TUG1: variants seen among roughly 807,000 people sequenced by gnomAD.
The protein encoded by TUG1 is taurine upregulated gene 1.
chr22:30,976,614 C>T (rs1284737913), exon 3 of TUG1: 1 of 152,126 alleles, frequency 6.6e-6, no homozygotes, highest in African/African-American at 2.4e-5. Flanking sequence ...GGCATTGTAA[C>T]AGACATAAAG....
intron 2 of TUG1, chr22:30,974,433 TA>T (rs1331371593): frequency 1.3e-5 from 2 of 151,938 alleles, no homozygotes; most frequent in African/African-American, 4.8e-5. Flanking sequence ...CACAGAAGGA[TA>T]TTTTTTTGCA....
chr22:30,974,856 A>T (rs910558262), intron 2 of TUG1: 1 of 152,206 alleles, frequency 6.6e-6, no homozygotes, highest in African/African-American at 2.4e-5. Context: ...TTTTCTTGAG[A>T]TTTATCTCCT....
At chr22:30,969,375 C>G (rs984644992) in exon 1 of TUG1, 5 of 152,556 alleles carry the variant, frequency 3.3e-5, no homozygotes, top group South Asian at 2.1e-4. Context: ...CCCTCCCCCC[C>G]TCCCGGGTCT....
chr22:30,972,316 A>G lies in TUG1; in HGVS notation c.*1961+537A>G, dbSNP rs368531524. On this transcript the variant is annotated intron_variant, in intron 1 of 2. Coordinates refer to ENST00000644773, the Ensembl canonical transcript of TUG1. ...GAGCCCTCAGACATAAGGAGAAACC[A>G]ATATGTTGAATGATGGGGTATTACA... The G allele has an allele frequency of 5.9e-5, 9 of 152,336 alleles. No homozygotes were observed. The East Asian group carries it at 1.2e-3, about 20-fold the overall frequency. The allele number at this position is 152,336 out of a possible 1,614,324, so 9.4% of individuals were successfully genotyped here.
chr22:30,977,275 T>C (rs1041732736), exon 3 of TUG1: 13 of 152,140 alleles, frequency 8.5e-5, no homozygotes, highest in African/African-American at 3.1e-4. Context: ...ATTCAACCAA[T>C]CTGAGGCCTT....
exon 2 of TUG1, chr22:30,973,540 C>G (rs1392826980): frequency 6.6e-6 from 1 of 152,206 alleles, no homozygotes; most frequent in African/African-American, 2.4e-5. Flanking sequence ...AACAGCATCT[C>G]ACAAGGCTGC....
chr22:30,973,545 G>A (rs1411029647), exon 2 of TUG1: 1 of 152,160 alleles, frequency 6.6e-6, no homozygotes, highest in Non-Finnish European at 1.5e-5. Context: ...CATCTCACAA[G>A]GCTGCACCAG....
chr22:30,979,230 A>G (rs2041322611), exon 3 of TUG1: 1 of 152,204 alleles, frequency 6.6e-6, no homozygotes, highest in African/African-American at 2.4e-5. Context: ...TCATTTTAAA[A>G]TGTGTGTGCT....
At chr22:30,977,524 G>A (rs1260154106) in exon 3 of TUG1, 1 of 152,186 alleles carries the variant, frequency 6.6e-6, no homozygotes, top group African/African-American at 2.4e-5. Flanking sequence ...GACTGGCTCT[G>A]TAAGATCAGA....
At chr22:30,977,541 T>C (rs564862307) in exon 3 of TUG1, 87 of 152,310 alleles carry the variant, frequency 5.7e-4, no homozygotes, top group African/African-American at 1.9e-3. Flanking sequence ...CAGAAAACTG[T>C]ATCCAGAATA....
exon 1 of TUG1, chr22:30,970,945 T>G (rs552586318): frequency 6.6e-6 from 1 of 152,252 alleles, no homozygotes; most frequent in Non-Finnish European, 1.5e-5. Flanking sequence ...TCCTTGGCCC[T>G]CCTTGTGTTC....
chr22:30,973,771 G>T (rs2041256135), intron 2 of TUG1, 184 bp downstream of exon 2: 1 of 152,150 alleles, frequency 6.6e-6, no homozygotes, highest in Non-Finnish European at 1.5e-5. Flanking sequence ...AGTGGTAGAG[G>T]CCAGGCTTTC....
At chr22:30,978,622 C>G (rs2041315596) in exon 3 of TUG1, 1 of 152,190 alleles carries the variant, frequency 6.6e-6, no homozygotes, top group Admixed American at 6.5e-5. Context: ...GGAGGAGAAG[C>G]TCTCTTTACT....
exon 1 of TUG1, chr22:30,970,282 C>T (rs2041213838): frequency 6.6e-6 from 1 of 152,200 alleles, no homozygotes; most frequent in Non-Finnish European, 1.5e-5. Context: ...ACAATTTCTT[C>T]ATGCTACAGA....
chr22:30,971,149 A>G (rs899805410), exon 1 of TUG1: 7 of 152,254 alleles, frequency 4.6e-5, no homozygotes, highest in Non-Finnish European at 8.8e-5. Context: ...GCAAGTGAAC[A>G]CAAACACATT....
chr22:30,973,896 A>G (rs530847529), intron 2 of TUG1: 19 of 152,254 alleles, frequency 1.2e-4, no homozygotes, highest in African/African-American at 4.3e-4. Context: ...TGGTGCCCCT[A>G]GTCACATAGG....
At chr22:30,973,689 AATCCCTTTT>A (rs1482436418) in intron 2 of TUG1, 102 bp downstream of exon 2, 1 of 152,258 alleles carries the variant, frequency 6.6e-6, no homozygotes, top group Non-Finnish European at 1.5e-5. Flanking sequence ...AGTGAATTAT[AATCCCTTTT>A]TGGAAATGAG....
At chr22:30,975,589 T>C (rs938925252) in exon 3 of TUG1, 7 of 152,176 alleles carry the variant, frequency 4.6e-5, no homozygotes, top group African/African-American at 1.7e-4. Context: ...CTGAAGATGG[T>C]GTCAAGTGAA....
intron 2 of TUG1, chr22:30,974,431 G>A (rs2041266317): frequency 6.6e-6 from 1 of 151,820 alleles, no homozygotes; most frequent in Non-Finnish European, 1.5e-5. Flanking sequence ...AACACAGAAG[G>A]ATATTTTTTT....
Sources: allele counts gnomAD v4.1 joint callset, GRCh38; gene constraint gnomAD v4.1.1; transcripts MANE v1.5; gene names NCBI Gene and HGNC (gene_info 2026-07-23, HGNC 2026-07-21).